LRRFIP2: variants seen among roughly 807,000 people sequenced by gnomAD.
The protein encoded by LRRFIP2 is leucine-rich repeat flightless-interacting protein 2.
Under a neutral mutation model 125.9 loss-of-function variants are expected in LRRFIP2, and 109 were observed. That is an observed-to-expected ratio of 0.87 (90% CI 0.74 to 1.01). LRRFIP2 has a LOEUF of 1.01. Among genes scored for constraint, LRRFIP2 ranks in the 50% least tolerant of loss-of-function variants. The probability of loss-of-function intolerance (pLI) is 0.00; values close to 1 mark genes in which losing one functional copy is unlikely to be tolerated. For missense variants in LRRFIP2, 850 were observed against 862.3 expected, an observed-to-expected ratio of 0.99 and a Z score of 0.18; for synonymous variants, 291 against 293.1, an observed-to-expected ratio of 0.99 and a Z score of 0.07.
At position 37,076,405 on chromosome 3, in the gene LRRFIP2, T is replaced by C. The variant is rs2092019174; in HGVS notation, c.1279-1289A>G. ...AGCCAGGGTTGGTGGCGTGTGCCTG[T>C]AGTCCCAGGTACTCTGGAGGCTGAG... On this transcript the variant is annotated intron_variant, in intron 19 of 27. Transcript: ENST00000336686. Among the ~76,000 whole-genome samples, 3 of 152,062 alleles carry C rather than the reference T, an allele frequency of 2.0e-5. No individual in the cohort carries two copies. In the South Asian group the frequency reaches 6.2e-4, roughly 32 times the overall value.
intron 1 of LRRFIP2, among the ~76,000 whole-genome samples, chr3:37,166,078 C>T (rs1383664406): frequency 1.3e-5 from 2 of 152,174 alleles, no homozygotes; most frequent in Non-Finnish European, 2.9e-5. Flanking sequence ...TGGCTCACAT[C>T]TGGAATCCCA....
intron 4 of LRRFIP2, among the ~76,000 whole-genome samples, chr3:37,123,435 C>G (rs898409894): frequency 6.6e-6 from 1 of 152,270 alleles, no homozygotes; most frequent in East Asian, 1.9e-4. Context: ...GGGATCTGCC[C>G]GCCTCGGCCT....
chr3:37,054,061 G>A (rs1426734492), intron 27 of LRRFIP2, 100 bp from the exon 28 acceptor site: 1 of 785,394 alleles, frequency 1.3e-6, no homozygotes, highest in Non-Finnish European at 2.3e-6. Flanking sequence ...TGCTAACTGT[G>A]ATGGCCTTGC....
intron 6 of LRRFIP2, among the ~76,000 whole-genome samples, chr3:37,117,544 T>C (rs1446650766): frequency 1.3e-5 from 2 of 152,140 alleles, no homozygotes; most frequent in Admixed American, 6.5e-5. Context: ...TAAGGGCTCA[T>C]TTCCAAATTT....
intron 25 of LRRFIP2, among the ~76,000 whole-genome samples, chr3:37,056,484 C>T (rs534230760): frequency 3.6e-4 from 54 of 150,260 alleles, no homozygotes; most frequent in Admixed American, 1.9e-3. Context: ...GATGGAGTCT[C>T]GCTCTGTCGC....
intron 2 of LRRFIP2, among the ~76,000 whole-genome samples, chr3:37,141,117 C>T (rs1216827884): frequency 6.6e-6 from 1 of 152,134 alleles, no homozygotes; most frequent in Non-Finnish European, 1.5e-5. Flanking sequence ...CACCACTGCA[C>T]TATAGCCTGG....
chr3:37,087,958 A>T (rs2093178935), intron 18 of LRRFIP2, among the ~76,000 whole-genome samples: 1 of 152,204 alleles, frequency 6.6e-6, no homozygotes, highest in South Asian at 2.1e-4. Flanking sequence ...ATCTCCTGGG[A>T]ACTGGGTAAA....
intron 4 of LRRFIP2, among the ~76,000 whole-genome samples, chr3:37,125,832 G>A (rs898212126): frequency 1.3e-5 from 2 of 152,178 alleles, no homozygotes; most frequent in African/African-American, 4.8e-5. Flanking sequence ...ATAAACATTA[G>A]CCATTTATAT....
intron 18 of LRRFIP2, among the ~76,000 whole-genome samples, chr3:37,087,960 C>A (rs2093179492): frequency 6.6e-6 from 1 of 152,168 alleles, no homozygotes; most frequent in African/African-American, 2.4e-5. Context: ...CTCCTGGGAA[C>A]TGGGTAAAAA....
At chr3:37,082,336 C>T (rs1364739636) in intron 19 of LRRFIP2, among the ~76,000 whole-genome samples, 1 of 152,160 alleles carries the variant, frequency 6.6e-6, no homozygotes, top group Non-Finnish European at 1.5e-5. Flanking sequence ...GCCTCTTTTT[C>T]ACCATCTAAA....
intron 23 of LRRFIP2, chr3:37,065,547 A>AAAAAC (rs1422296990): frequency 8.3e-6 from 5 of 604,384 alleles, no homozygotes; most frequent in Non-Finnish European, 1.5e-5. Context: ...GTAGTTAAGT[A>AAAAAC]AAAACCGATG....
intron 24 of LRRFIP2, among the ~76,000 whole-genome samples, chr3:37,061,510 C>T (rs1294454548): frequency 6.6e-6 from 1 of 151,654 alleles, no homozygotes; most frequent in Non-Finnish European, 1.5e-5. Flanking sequence ...CCTGCCTCAG[C>T]TTCCCAAGTA....
intron 9 of LRRFIP2, among the ~76,000 whole-genome samples, chr3:37,110,575 G>GTACC (rs2149426528): frequency 6.6e-6 from 1 of 152,062 alleles, no homozygotes; most frequent in East Asian, 1.9e-4. Context: ...TTTTAAAAGG[G>GTACC]TACCCACTCT....
intron 21 of LRRFIP2, among the ~76,000 whole-genome samples, chr3:37,072,330 G>T (rs192872409): frequency 1.2e-4 from 18 of 151,812 alleles, no homozygotes; most frequent in African/African-American, 4.4e-4. Flanking sequence ...GTGAAACCCC[G>T]TCTCTAATAA....
intron 25 of LRRFIP2, among the ~76,000 whole-genome samples, chr3:37,057,765 T>C (rs1287914566): frequency 6.6e-6 from 1 of 152,168 alleles, no homozygotes. Flanking sequence ...AAGTCACTAT[T>C]CTTATTGGAA....
intron 20 of LRRFIP2, among the ~76,000 whole-genome samples, chr3:37,073,341 T>C (rs920925450): frequency 8.5e-5 from 13 of 152,200 alleles, no homozygotes; most frequent in Non-Finnish European, 1.6e-4. Context: ...GAATTTCTGT[T>C]AGCAAAATCT....
chr3:37,059,474 C>G, intron 24 of LRRFIP2, among the ~76,000 whole-genome samples: 1 of 152,000 alleles, frequency 6.6e-6, no homozygotes, highest in East Asian at 1.9e-4. Flanking sequence ...AATTTTCTTA[C>G]TTAGAAAACA....
intron 4 of LRRFIP2, among the ~76,000 whole-genome samples, chr3:37,123,174 TTG>T (rs1415324343): frequency 5.5e-5 from 8 of 146,550 alleles, no homozygotes; most frequent in African/African-American, 2.0e-4. Context: ...TTTACATTTG[TTG>T]TTGTTGTTGT....
At position 37,108,087 on chromosome 3, in the gene LRRFIP2, G is replaced by A. The variant is rs777862597; in HGVS notation, c.700C>T (p.Arg234Ter). 36 of 1,613,690 alleles carry A rather than the reference G, an allele frequency of 2.2e-5. No individual in the cohort carries two copies. The highest frequency in any genetic ancestry group is 3.3e-5 in the Admixed American group (2 of 59,994). ...AGACAGCTCACCCCTGGACTGCTTC[G>A]GGCTGAACTTATTCTTGATGAATAA... is the stretch of plus-strand genomic sequence containing the variant. ...SYYSSRISSA[R>*]SSPGFTNDDT... The change falls in exon 13 of 28, where the codon CGA becomes TGA. Residue 234 changes from arginine (R) to a stop codon, truncating the protein, a stop_gained. Coordinates refer to ENST00000336686, the MANE Select transcript of LRRFIP2 (RefSeq NM_006309.4). LOFTEE classifies it high-confidence loss of function.
Sources: gnomAD v4.1 joint callset for allele counts (sites outside exome capture counted in the v4.1 genomes callset) on GRCh38, gnomAD v4.1.1 for gene constraint, MANE v1.5 for transcripts, NCBI Gene and HGNC (gene_info 2026-07-23, HGNC 2026-07-21) for gene names.